Variants in PAM observed in about 807,000 individuals in gnomAD.
The protein encoded by PAM is peptidylglycine alpha-amidating monooxygenase, also known as peptidyl-glycine alpha-amidating monooxygenase.
Under a neutral mutation model 122.1 loss-of-function variants are expected in PAM, and 72 were observed. The ratio of observed to expected loss-of-function variants is 0.59; its 90% CI spans 0.49 to 0.72. The LOEUF (loss-of-function observed/expected upper bound fraction) is 0.72. Among genes scored for constraint, PAM ranks in the 30% least tolerant of loss-of-function variants. The pLI is 0.00. For missense variants in PAM, 1,106 were observed against 1,183.7 expected (o/e 0.93, Z 0.96); for synonymous variants, 389 against 404.4 (o/e 0.96, Z 0.46).
At chr5:102,944,506 T>G (rs1756386887) in intron 7 of PAM, among the ~76,000 whole-genome samples, 1 of 152,210 alleles carries the variant, frequency 6.6e-6, no homozygotes, top group Admixed American at 6.5e-5. Flanking sequence ...ATGATAATGT[T>G]GTACAGAATA....
intron 22 of PAM, among the ~76,000 whole-genome samples, chr5:103,018,797 C>G (rs371505836): frequency 6.6e-6 from 1 of 152,116 alleles, no homozygotes; most frequent in African/African-American, 2.4e-5. Context: ...CCCTGTATAC[C>G]GTGATCCCCA....
chr5:102,900,708 G>A (rs1371309655), intron 3 of PAM, among the ~76,000 whole-genome samples: 1 of 151,530 alleles, frequency 6.6e-6, no homozygotes, highest in Non-Finnish European at 1.5e-5. Flanking sequence ...AGGAAGTGGA[G>A]TACATTGAAT....
chr5:102,841,874 A>G (rs1323893676), intron 1 of PAM, among the ~76,000 whole-genome samples: 1 of 152,214 alleles, frequency 6.6e-6, no homozygotes, highest in African/African-American at 2.4e-5. Context: ...TGACAACAAA[A>G]TGGATAGTTA....
intron 3 of PAM, among the ~76,000 whole-genome samples, chr5:102,881,137 C>CACACACACACACAT (rs1554098761): frequency 9.2e-5 from 14 of 151,432 alleles, no homozygotes; most frequent in African/African-American, 3.2e-4. Context: ...CATACACACA[C>CACACACACACACAT]ACACACACAC....
intron 1 of PAM, among the ~76,000 whole-genome samples, chr5:102,766,458 C>T (rs185608555): frequency 5.9e-5 from 9 of 152,166 alleles, no homozygotes; most frequent in Admixed American, 3.3e-4. Flanking sequence ...ACTCTAATGC[C>T]GCAGCTGATC....
At chr5:103,014,100 G>A (rs1781365102) in intron 21 of PAM, among the ~76,000 whole-genome samples, 1 of 152,156 alleles carries the variant, frequency 6.6e-6, no homozygotes, top group African/African-American at 2.4e-5. Context: ...GGTAAAGGAA[G>A]TGAGATGCTT....
chr5:102,941,833 C>CAAAAAAA lies in PAM; in HGVS notation c.527-4984_527-4978dup, dbSNP rs70990420. On this transcript the variant is annotated intron_variant, in intron 7 of 25. Coordinates refer to ENST00000438793, the MANE Select transcript of PAM (RefSeq NM_001177306.2). ...ACCTGCATTTCTAATCCAGATGGTACAAAAAAAAAAAAAAAAAAAAAAAAA... is the reference window on the plus strand; with the variant it reads ...ACCTGCATTTCTAATCCAGATGGTACAAAAAAAAAAAAAAAAAAAAAAAAAAAAAAAA... Among the ~76,000 whole-genome samples the CAAAAAAA allele has an allele frequency of 1.4e-4, 8 of 58,374 alleles. 1 individual carries two copies. The highest frequency in any genetic ancestry group is 5.0e-4 in the African/African-American group (8 of 16,048). The allele number at this position is 58,374 out of a possible 152,430, so 38.3% of individuals were successfully genotyped here.
At chr5:102,938,469 T>C (rs894996310) in intron 7 of PAM, among the ~76,000 whole-genome samples, 1 of 152,182 alleles carries the variant, frequency 6.6e-6, no homozygotes, top group African/African-American at 2.4e-5. Context: ...TAATTCAACA[T>C]TGAGCAGAGC....
intron 1 of PAM, among the ~76,000 whole-genome samples, chr5:102,829,328 G>T (rs709376): frequency 0.7 from 105,191 of 150,050 alleles, 37,026 homozygotes; most frequent in South Asian, 0.81. Flanking sequence ...GTATATAGTC[G>T]TTAAATAAGA....
chr5:102,977,986 G>A (rs1195354171), intron 15 of PAM, among the ~76,000 whole-genome samples: 1 of 152,012 alleles, frequency 6.6e-6, no homozygotes, highest in East Asian at 1.9e-4. Flanking sequence ...GAACAGTGTC[G>A]GCATGCAGAA....
chr5:102,961,088 T>C lies in PAM; in HGVS notation c.1091-70T>C, dbSNP rs980530808. The C allele has an allele frequency of 4.3e-5, 34 of 788,292 alleles. No individual in the cohort carries two copies. The African/African-American group carries it at 5.4e-4, about 12-fold the overall frequency. The allele number at this position is 788,292 out of a possible 1,614,324, so 48.8% of individuals were successfully genotyped here. A position where few individuals can be genotyped will look rare whatever the true frequency, so the allele number is the denominator to read the frequency against. ...TAGTATTTTTATGTTGATGGACTAT[T>C]TCCAATAAACTATTTTAAGTATGTA... is the stretch of plus-strand genomic sequence containing the variant. On this transcript the variant is annotated intron_variant, in intron 13 of 25. Coordinates refer to ENST00000438793, the MANE Select transcript of PAM (RefSeq NM_001177306.2).
rs1785778056 is a variant in PAM, at chr5:103,028,892, G to A, written c.2749G>A (p.Gly917Arg). 1 of 1,599,418 alleles carries A rather than the reference G, an allele frequency of 6.3e-7. No individual in the cohort carries two copies. The highest frequency in any genetic ancestry group is 1.1e-5 in the South Asian group (1 of 88,202). The change falls in exon 26 of 26, where the codon GGA becomes AGA. Residue 917 changes from glycine (G) to arginine (R), a missense_variant. Coordinates refer to ENST00000438793, the MANE Select transcript of PAM (RefSeq NM_001177306.2). ...TATTGTTTGCTTTTTTTCAGGAAAG[G>A]GAAGTGGAGGCTTAAACCTTGGTAA... ...GRVLGRFRGK[G>R]SGGLNLGNFF...
intron 1 of PAM, among the ~76,000 whole-genome samples, chr5:102,763,858 A>G (rs143588564): frequency 3.2e-4 from 48 of 152,290 alleles, no homozygotes; most frequent in African/African-American, 1.1e-3. Context: ...TCATAAGAAC[A>G]TAGGAGAGTG....
chr5:103,004,644 G>T (rs1778407573), intron 17 of PAM, among the ~76,000 whole-genome samples: 1 of 152,158 alleles, frequency 6.6e-6, no homozygotes, highest in South Asian at 2.1e-4. Flanking sequence ...GATATTCACA[G>T]CCCATGTTGG....
intron 7 of PAM, among the ~76,000 whole-genome samples, chr5:102,935,565 G>A (rs538427907): frequency 6.6e-6 from 1 of 152,180 alleles, no homozygotes; most frequent in South Asian, 2.1e-4. Context: ...AGATTTTGGG[G>A]TCATGGAGTG....
At chr5:102,994,009 G>A (rs1459718150) in intron 16 of PAM, among the ~76,000 whole-genome samples, 1 of 152,046 alleles carries the variant, frequency 6.6e-6, no homozygotes, top group Non-Finnish European at 1.5e-5. Context: ...CTGAAGCAAT[G>A]GGCTGACAGT....
chr5:102,849,234 A>G (rs1780726233), intron 1 of PAM, among the ~76,000 whole-genome samples: 3 of 152,164 alleles, frequency 2.0e-5, no homozygotes, highest in Admixed American at 6.5e-5. Flanking sequence ...CGGATCTGGA[A>G]CCGCGCTCCA....
At chr5:102,825,400 C>T (rs1013060727) in intron 1 of PAM, among the ~76,000 whole-genome samples, 1 of 152,104 alleles carries the variant, frequency 6.6e-6, no homozygotes, top group African/African-American at 2.4e-5. Context: ...GGAGAATAAA[C>T]TCAGAAAAGA....
chr5:102,933,979 A>G (rs1467267412), intron 7 of PAM, among the ~76,000 whole-genome samples: 2 of 152,174 alleles, frequency 1.3e-5, no homozygotes, highest in Non-Finnish European at 1.5e-5. Flanking sequence ...TCTTCTCTCA[A>G]TCTGCACAAG....
Sources: gnomAD v4.1 joint callset for allele counts (sites outside exome capture counted in the v4.1 genomes callset) on GRCh38, gnomAD v4.1.1 for gene constraint, MANE v1.5 for transcripts, NCBI Gene and HGNC (gene_info 2026-07-23, HGNC 2026-07-21) for gene names.